Variants in MYO3B observed in about 807,000 individuals in gnomAD.
MYO3B encodes the protein myosin-IIIb.
A neutral mutation model predicts 174.6 loss-of-function variants in MYO3B; 156 were observed. The observed-to-expected ratio is 0.89, with a 90% CI of 0.78 to 1.02. The LOEUF (loss-of-function observed/expected upper bound fraction) is 1.02, where lower values mean the gene tolerates loss of function less well. Ranked by LOEUF, MYO3B falls within the 50% of genes least tolerant of loss-of-function variation. The probability of loss-of-function intolerance (pLI) is 0.00; values close to 1 mark genes in which losing one functional copy is unlikely to be tolerated. For missense variants in MYO3B, 1,632 were observed against 1,639.4 expected (o/e 1.00, Z 0.08); for synonymous variants, 563 against 569.1 (o/e 0.99, Z 0.15).
chr2:170,402,969 A>G lies in MYO3B; in HGVS notation c.2251A>G (p.Asn751Asp), dbSNP rs1426070563. 3.4e-5 allele frequency: 55 copies of G among 1,603,854 alleles called. No homozygotes were observed. Among genetic ancestry groups the G allele is most frequent in the Non-Finnish European group, 4.6e-5 (54 of 1,172,162 alleles). Residue 751 changes from asparagine (N) to aspartate (D), a missense_variant, in exon 19 of 35, where the codon AAT (asparagine) becomes GAT (aspartate). Coordinates refer to ENST00000408978, the MANE Select transcript of MYO3B (RefSeq NM_138995.5). ...IANEQIQYYF[N>D]QHVFALEQME... ...CAATGAGCAAATCCAGTACTATTTCAATCAGCATGTTTTTGCTCTTGAGCA... is the reference window on the plus strand; with the variant it reads ...CAATGAGCAAATCCAGTACTATTTCGATCAGCATGTTTTTGCTCTTGAGCA...
intron 25 of MYO3B, among the ~76,000 whole-genome samples, chr2:170,477,315 T>G (rs1212749145): frequency 6.6e-6 from 1 of 152,152 alleles, no homozygotes; most frequent in African/African-American, 2.4e-5. Context: ...TCTGCCAAAC[T>G]AGTTGTTGCT....
chr2:170,460,212 G>A lies in MYO3B; in HGVS notation c.2731-3156G>A, dbSNP rs371825931. Among the ~76,000 whole-genome samples, 621 of 152,176 alleles carry A rather than the reference G, an allele frequency of 4.1e-3. 5 individuals carry two copies. The highest frequency in any genetic ancestry group is 7.6e-3 in the Non-Finnish European group (519 of 67,992). On this transcript the variant is annotated intron_variant, in intron 23 of 34. Coordinates refer to ENST00000408978, the MANE Select transcript of MYO3B (RefSeq NM_138995.5). ...CTCTCAATATCACCTATTCTAGGCC[G>A]GGCGTGGTGGCTCACGCCTGTAAAC...
intron 23 of MYO3B, among the ~76,000 whole-genome samples, chr2:170,453,774 G>A (rs1010859084): frequency 6.6e-6 from 1 of 152,128 alleles, no homozygotes; most frequent in East Asian, 1.9e-4. Context: ...CAAAATACCC[G>A]TAACAAAACA....
chr2:170,201,580 T>C (rs1294847893), intron 3 of MYO3B, among the ~76,000 whole-genome samples: 1 of 151,808 alleles, frequency 6.6e-6, no homozygotes, highest in East Asian at 1.9e-4. Flanking sequence ...TTTGAATTTA[T>C]TTCTGTCACA....
At chr2:170,435,151 G>T (rs1258444973) in intron 22 of MYO3B, among the ~76,000 whole-genome samples, 1 of 152,218 alleles carries the variant, frequency 6.6e-6, no homozygotes, top group South Asian at 2.1e-4. Context: ...TAAAGTGGAG[G>T]TTATTGCTTC....
chr2:170,301,083 G>C (rs2093662446), intron 7 of MYO3B, among the ~76,000 whole-genome samples: 1 of 152,196 alleles, frequency 6.6e-6, no homozygotes, highest in Non-Finnish European at 1.5e-5. Flanking sequence ...CAAAAGGAAA[G>C]GGAATTGGAC....
At chr2:170,190,211 C>T (rs1273146473) in intron 1 of MYO3B, among the ~76,000 whole-genome samples, 2 of 152,180 alleles carry the variant, frequency 1.3e-5, no homozygotes, top group Admixed American at 6.6e-5. Flanking sequence ...GTCTCTGTCT[C>T]TCTCTTTCCT....
At chr2:170,283,078 G>A (rs2093525943) in intron 7 of MYO3B, among the ~76,000 whole-genome samples, 2 of 152,194 alleles carry the variant, frequency 1.3e-5, no homozygotes, top group South Asian at 4.1e-4. Context: ...CTAGGATGCA[G>A]TTTGGTGGGG....
At chr2:170,251,944 C>T (rs1022605926) in intron 7 of MYO3B, among the ~76,000 whole-genome samples, 1 of 152,158 alleles carries the variant, frequency 6.6e-6, no homozygotes, top group Non-Finnish European at 1.5e-5. Flanking sequence ...TTAGTTAGAT[C>T]CATGGCTGGA....
At chr2:170,364,679 A>C (rs2094185449) in intron 8 of MYO3B, among the ~76,000 whole-genome samples, 1 of 152,166 alleles carries the variant, frequency 6.6e-6, no homozygotes, top group Non-Finnish European at 1.5e-5. Flanking sequence ...TGCTTTATAA[A>C]AGGACATGGA....
chr2:170,328,889 G>T (rs978648751), intron 7 of MYO3B, among the ~76,000 whole-genome samples: 2 of 152,140 alleles, frequency 1.3e-5, no homozygotes, highest in African/African-American at 2.4e-5. Flanking sequence ...TTAAGGCCGG[G>T]TGCGGTGGCT....
rs116265587 is a variant in MYO3B at position 170,205,935 on chromosome 2, G to A, written c.321+5651G>A. Reference sequence around the variant, plus strand: ...TAGTATACAGGTATATATTATATGCGTAGTATATGGATATATATTATATGG... The same window carrying A: ...TAGTATACAGGTATATATTATATGCATAGTATATGGATATATATTATATGG... On this transcript the variant is annotated intron_variant, in intron 3 of 34. Transcript: ENST00000408978. Among the ~76,000 whole-genome samples the A allele has an allele frequency of 9.0e-3, 1,370 of 151,896 alleles. 14 individuals are homozygous for A. Among genetic ancestry groups the A allele is most frequent in the Middle Eastern group, 0.041 (12 of 292 alleles).
chr2:170,407,898 GA>G, intron 22 of MYO3B, 54 bp downstream of exon 22: 2 of 1,606,956 alleles, frequency 1.2e-6, no homozygotes, highest in Non-Finnish European at 1.7e-6. Flanking sequence ...AAGACCAGGT[GA>G]AATTTTCCAG....
intron 8 of MYO3B, among the ~76,000 whole-genome samples, chr2:170,338,977 G>T (rs1281530105): frequency 2.0e-5 from 3 of 152,186 alleles, no homozygotes; most frequent in African/African-American, 7.2e-5. Flanking sequence ...ATCAAATGCA[G>T]TTTGACCAAA....
intron 6 of MYO3B, among the ~76,000 whole-genome samples, chr2:170,223,561 C>G (rs1208969663): frequency 6.6e-6 from 1 of 152,146 alleles, no homozygotes; most frequent in African/African-American, 2.4e-5. Context: ...GTGACTTATT[C>G]AACTAAGGGA....
intron 32 of MYO3B, among the ~76,000 whole-genome samples, chr2:170,645,914 A>G (rs566002256): frequency 6.6e-5 from 10 of 152,300 alleles, no homozygotes; most frequent in African/African-American, 2.4e-4. Context: ...AACAATTTTT[A>G]TATCTGAGTT....
chr2:170,331,343 C>G (rs2093910293), intron 7 of MYO3B, among the ~76,000 whole-genome samples: 1 of 152,028 alleles, frequency 6.6e-6, no homozygotes, highest in African/African-American at 2.4e-5. Context: ...GAAATTCCAG[C>G]TACCAAGTAC....
At chr2:170,488,439 C>T (rs117946224) in intron 25 of MYO3B, among the ~76,000 whole-genome samples, 3 of 151,898 alleles carry the variant, frequency 2.0e-5, no homozygotes, top group Admixed American at 6.6e-5. Flanking sequence ...GGATCTATAG[C>T]GTAGATTTTT....
intron 32 of MYO3B, among the ~76,000 whole-genome samples, chr2:170,551,962 C>T (rs1690954766): frequency 1.3e-5 from 2 of 152,140 alleles, no homozygotes; most frequent in African/African-American, 4.8e-5. Flanking sequence ...GCTTTCTTCC[C>T]CTTCCCCCTT....
Sources: allele counts gnomAD v4.1 joint callset (sites outside exome capture counted in the v4.1 genomes callset), GRCh38; gene constraint gnomAD v4.1.1; transcripts MANE v1.5; gene names NCBI Gene and HGNC (gene_info 2026-07-23, HGNC 2026-07-21).